The following RMST variants were observed in gnomAD, a reference collection of about 807,000 sequenced individuals.
The protein encoded by RMST is long intergenic non-protein coding RNA 54.
At chr12:97,498,232 C>A (rs1460321355) in intron 10 of RMST, among the ~76,000 whole-genome samples, 1 of 152,106 alleles carries the variant, frequency 6.6e-6, no homozygotes, top group Admixed American at 6.5e-5. Context: ...GGCTTCCTTG[C>A]TACGGGGATC....
At chr12:97,528,815 G>A (rs865975590) in intron 10 of RMST, among the ~76,000 whole-genome samples, 1 of 152,032 alleles carries the variant, frequency 6.6e-6, no homozygotes, top group African/African-American at 2.4e-5. Flanking sequence ...CTTGAGAAAC[G>A]GCTATGTGCC....
chr12:97,521,073 G>A (rs1430545074), intron 10 of RMST, among the ~76,000 whole-genome samples: 2 of 152,162 alleles, frequency 1.3e-5, no homozygotes, highest in African/African-American at 4.8e-5. Flanking sequence ...GGAATATTGA[G>A]GGAACAGTGA....
At chr12:97,550,266 C>T (rs1428661277) in intron 11 of RMST, among the ~76,000 whole-genome samples, 2 of 152,118 alleles carry the variant, frequency 1.3e-5, no homozygotes, top group African/African-American at 2.4e-5. Flanking sequence ...ATAGCACATG[C>T]CTGTAGTCCC....
At chr12:97,483,797 T>C (rs939054332) in intron 5 of RMST, among the ~76,000 whole-genome samples, 36 of 152,202 alleles carry the variant, frequency 2.4e-4, no homozygotes, top group African/African-American at 8.4e-4. Flanking sequence ...TTTCTGTAAG[T>C]ACACTTGTCT....
At chr12:97,526,070 A>T (rs1321491447) in intron 10 of RMST, among the ~76,000 whole-genome samples, 1 of 151,832 alleles carries the variant, frequency 6.6e-6, no homozygotes, top group Non-Finnish European at 1.5e-5. Context: ...CAGGGCTCCC[A>T]CTGATTCTAC....
intron 4 of RMST, chr12:97,464,669 T>A (rs921889789): frequency 6.6e-6 from 1 of 152,234 alleles, no homozygotes; most frequent in Non-Finnish European, 1.5e-5. Context: ...ATTTATCGGT[T>A]GCTAGGTCCT....
intron 10 of RMST, among the ~76,000 whole-genome samples, chr12:97,510,700 C>T (rs533789203): frequency 1.3e-5 from 2 of 152,280 alleles, no homozygotes; most frequent in African/African-American, 4.8e-5. Context: ...TGGTTACTTC[C>T]TGAAGCCCAG....
At chr12:97,530,367 A>G (rs1246037401) in intron 10 of RMST, 1 of 152,072 alleles carries the variant, frequency 6.6e-6, no homozygotes, top group Admixed American at 6.6e-5. Context: ...TTGGTTCCAA[A>G]TCAATCTTGT....
At chr12:97,521,271 C>T (rs941183865) in intron 10 of RMST, among the ~76,000 whole-genome samples, 6 of 151,950 alleles carry the variant, frequency 3.9e-5, no homozygotes, top group South Asian at 2.1e-4. Context: ...GTGATGATAA[C>T]GCAATGTCAA....
At chr12:97,490,691 G>C (rs1876693123) in intron 5 of RMST, among the ~76,000 whole-genome samples, 1 of 152,076 alleles carries the variant, frequency 6.6e-6, no homozygotes, top group African/African-American at 2.4e-5. Flanking sequence ...AGAAAAAGAA[G>C]ATACAAAATT....
At chr12:97,500,652 T>C (rs1464287606) in intron 10 of RMST, among the ~76,000 whole-genome samples, 2 of 152,304 alleles carry the variant, frequency 1.3e-5, no homozygotes, top group East Asian at 3.9e-4. Flanking sequence ...TCCCCTAGGA[T>C]CCTGGGATGC....
chr12:97,487,319 T>C (rs181296000), intron 5 of RMST, among the ~76,000 whole-genome samples: 1 of 152,324 alleles, frequency 6.6e-6, no homozygotes, highest in Non-Finnish European at 1.5e-5. Flanking sequence ...ACTGGGTAGA[T>C]GTGAGCTTTT....
At chr12:97,514,433 G>A (rs541099285) in intron 10 of RMST, among the ~76,000 whole-genome samples, 12 of 152,306 alleles carry the variant, frequency 7.9e-5, no homozygotes, top group African/African-American at 2.4e-4. Flanking sequence ...TTCCAAAATA[G>A]TGATTGGAGA....
chr12:97,560,030 G>T (rs1408911508), intron 11 of RMST, among the ~76,000 whole-genome samples: 4 of 152,052 alleles, frequency 2.6e-5, no homozygotes, highest in Non-Finnish European at 5.9e-5. Context: ...CCACTTCGTT[G>T]TCTTTATTTA....
intron 5 of RMST, among the ~76,000 whole-genome samples, chr12:97,487,480 C>A (rs1876237801): frequency 6.6e-6 from 1 of 152,044 alleles, no homozygotes; most frequent in South Asian, 2.1e-4. Context: ...GAAACTGCCA[C>A]AAGAAAATAG....
intron 10 of RMST, among the ~76,000 whole-genome samples, chr12:97,500,940 A>G (rs931190832): frequency 6.6e-6 from 1 of 152,256 alleles, no homozygotes; most frequent in Non-Finnish European, 1.5e-5. Context: ...CATACAAGAC[A>G]CAAACTCAAT....
intron 10 of RMST, among the ~76,000 whole-genome samples, chr12:97,504,403 C>CA (rs5800313): frequency 2.9e-3 from 164 of 56,544 alleles, no homozygotes; most frequent in Admixed American, 4.7e-3. Context: ...GACTTCATTT[C>CA]AAAAAAAAAA....
At chr12:97,488,938 A>G (rs542262781) in intron 5 of RMST, among the ~76,000 whole-genome samples, 2 of 152,272 alleles carry the variant, frequency 1.3e-5, no homozygotes, top group African/African-American at 2.4e-5. Context: ...ATAAGCCTAT[A>G]AGCACTCAGA....
intron 5 of RMST, among the ~76,000 whole-genome samples, chr12:97,474,853 A>G (rs959754744): frequency 1.3e-5 from 2 of 152,098 alleles, no homozygotes; most frequent in Admixed American, 6.6e-5. Flanking sequence ...TCTAAAGTAA[A>G]TATGTTTGAG....
Sources: allele counts gnomAD v4.1 joint callset (sites outside exome capture counted in the v4.1 genomes callset), GRCh38; gene constraint gnomAD v4.1.1; transcripts MANE v1.5; gene names NCBI Gene and HGNC (gene_info 2026-07-23, HGNC 2026-07-21).